Variants in VPS35L observed in about 807,000 individuals in gnomAD.
The protein encoded by VPS35L is VPS35 endosomal protein-sorting factor-like.
Under a neutral mutation model 133.0 loss-of-function variants are expected in VPS35L, and 83 were observed. The ratio of observed to expected loss-of-function variants is 0.62; its 90% CI spans 0.52 to 0.75. The LOEUF (loss-of-function observed/expected upper bound fraction) is 0.75, where lower values mean the gene tolerates loss of function less well. Among genes scored for constraint, VPS35L ranks in the 30% least tolerant of loss-of-function variants. VPS35L has a pLI of 0.00. For synonymous variants in VPS35L, 423 were observed against 449.9 expected, an observed-to-expected ratio of 0.94 and a Z score of 0.76; for missense variants, 1,083 against 1,206.8, an observed-to-expected ratio of 0.90 and a Z score of 1.52.
In VPS35L at chr16:19,644,809, T is replaced by G. The variant is rs371428874; in HGVS notation, c.1866-77T>G. ...AAATGTTCTTACCTGTTAAATTACT[T>G]ACCCCTTGTGTATTTTTTTCTTTAG... On this transcript the variant is annotated intron_variant, in intron 22 of 30. Transcript: ENST00000417362. 1.4e-4 allele frequency: 141 copies of G among 1,028,336 alleles called. No homozygotes were observed. In the African/African-American group the frequency reaches 2.1e-3, roughly 15 times the overall value. 63.7% of individuals were successfully genotyped at this position (1,028,336 alleles called of 1,614,324 possible). A position where few individuals can be genotyped will look rare whatever the true frequency, so the allele number is the denominator to read the frequency against.
chr16:19,614,641 C>T (rs1644770989), intron 12 of VPS35L, among the ~76,000 whole-genome samples: 1 of 152,218 alleles, frequency 6.6e-6, no homozygotes, highest in African/African-American at 2.4e-5. Context: ...AAACTCCTAA[C>T]CTCAAGTGAT....
At chr16:19,597,153 G>T (rs9928995) in intron 8 of VPS35L, among the ~76,000 whole-genome samples, 3,868 of 152,130 alleles carry the variant, frequency 0.025, 174 homozygotes, top group African/African-American at 0.089. Context: ...AGGATAACTT[G>T]AGTCCAGGAG....
intron 19 of VPS35L, among the ~76,000 whole-genome samples, chr16:19,636,726 A>C (rs1340533018): frequency 2.0e-5 from 3 of 152,230 alleles, no homozygotes; most frequent in African/African-American, 7.2e-5. Flanking sequence ...AATTGTCAGT[A>C]CATTTTCTTG....
intron 10 of VPS35L, 176 bp downstream of exon 10, chr16:19,608,450 T>G (rs1395851318): frequency 1.8e-6 from 1 of 551,152 alleles, no homozygotes; most frequent in African/African-American, 1.9e-5. Context: ...ACCCTTGGAC[T>G]CTTGCTCTTT....
chr16:19,578,937 G>A, intron 5 of VPS35L, 115 bp from the exon 6 acceptor site: 1 of 852,568 alleles, frequency 1.2e-6, no homozygotes, highest in Non-Finnish European at 1.9e-6. Flanking sequence ...TTTCTATAAT[G>A]GAATCATTCC....
At chr16:19,636,496 A>G (rs1973627240) in intron 19 of VPS35L, among the ~76,000 whole-genome samples, 1 of 152,212 alleles carries the variant, frequency 6.6e-6, no homozygotes, top group South Asian at 2.1e-4. Context: ...TATGCTTCAG[A>G]AACTATTTTA....
chr16:19,606,492 C>A (rs772037430), intron 9 of VPS35L, among the ~76,000 whole-genome samples: 15 of 152,144 alleles, frequency 9.9e-5, no homozygotes, highest in Non-Finnish European at 2.1e-4. Context: ...AAATAGTTCT[C>A]AAGTGAATGA....
intron 30 of VPS35L, 74 bp from the exon 31 acceptor site, chr16:19,700,304 G>A: frequency 7.6e-7 from 1 of 1,312,740 alleles, no homozygotes. Flanking sequence ...CTCACATAAT[G>A]GCTGATTCAT....
chr16:19,628,105 T>A (rs148128468), intron 16 of VPS35L, among the ~76,000 whole-genome samples: 99 of 152,218 alleles, frequency 6.5e-4, no homozygotes, highest in African/African-American at 2.4e-3. Context: ...GTGGCTCATG[T>A]TTATAATCCT....
At chr16:19,690,515 C>A (rs894162209) in intron 28 of VPS35L, among the ~76,000 whole-genome samples, 4 of 152,228 alleles carry the variant, frequency 2.6e-5, no homozygotes, top group Admixed American at 6.5e-5. Flanking sequence ...TGCAGTCCTT[C>A]CAAAGCCAGG....
In VPS35L at chr16:19,665,452, G is replaced by A. The variant is rs1330818779; in HGVS notation, c.2222-3708G>A. ...TGCAAAGTTTGCCTTCCTGTGCCTGGCTTAATTCACTTAACATAATGCCCT... is the reference window on the plus strand; with the variant it reads ...TGCAAAGTTTGCCTTCCTGTGCCTGACTTAATTCACTTAACATAATGCCCT... On this transcript the variant is annotated intron_variant, in intron 26 of 30. Transcript: ENST00000417362. Among the ~76,000 whole-genome samples the A allele has an allele frequency of 2.0e-5, 3 of 152,108 alleles. No homozygotes were observed. In the South Asian group the frequency reaches 6.2e-4, roughly 32 times the overall value.
At chr16:19,644,454 T>A (rs1428007807) in intron 22 of VPS35L, among the ~76,000 whole-genome samples, 1 of 152,160 alleles carries the variant, frequency 6.6e-6, no homozygotes, top group Non-Finnish European at 1.5e-5. Flanking sequence ...CCCAGGTTGA[T>A]CTCCAACTCC....
chr16:19,682,099 T>C (rs1215083624), intron 27 of VPS35L, 126 bp from the exon 28 acceptor site: 1 of 1,085,362 alleles, frequency 9.2e-7, no homozygotes, highest in African/African-American at 1.6e-5. Flanking sequence ...TTGCCTTTGT[T>C]CAGTAACTGA....
At chr16:19,682,019 C>G (rs1471896968) in intron 27 of VPS35L, among the ~76,000 whole-genome samples, 1 of 152,126 alleles carries the variant, frequency 6.6e-6, no homozygotes, top group African/African-American at 2.4e-5. Flanking sequence ...CAGACAGGAG[C>G]GTGTTGATTC....
In VPS35L at chr16:19,582,980, C is replaced by T. The variant is rs529943756; in HGVS notation, c.639+1327C>T. Among the ~76,000 whole-genome samples, 7 of 152,188 alleles carry T rather than the reference C, an allele frequency of 4.6e-5. No individual in the cohort carries two copies. The South Asian group carries it at 6.2e-4, about 14-fold the overall frequency. On this transcript the variant is annotated intron_variant, in intron 7 of 30. Transcript: ENST00000417362. ...TCCAGGAGTTTGAGACCAGCCTGGC[C>T]AACATGGTGAAACCCATCTCTACTA...
intron 1 of VPS35L, among the ~76,000 whole-genome samples, chr16:19,561,910 A>T (rs1012927819): frequency 1.3e-5 from 2 of 152,146 alleles, no homozygotes; most frequent in Admixed American, 1.3e-4. Flanking sequence ...GTTCGGGGTC[A>T]GCTTGGCCAA....
chr16:19,699,399 A>G lies in VPS35L; in HGVS notation c.2647-103A>G. The G allele has an allele frequency of 7.1e-7, 1 of 1,400,352 alleles. No homozygotes were observed. Among genetic ancestry groups the G allele is most frequent in the Non-Finnish European group, 9.7e-7 (1 of 1,025,642 alleles). 86.7% of individuals were successfully genotyped at this position (1,400,352 alleles called of 1,614,324 possible). The stretch of plus-strand genomic sequence containing the variant: ...AAATACATGGCAGAGCTGGCACTGG[A>G]ACTCAGGCATGACCTACCCCAGAGT... On this transcript the variant is annotated intron_variant, in intron 29 of 30. Coordinates refer to ENST00000417362, the MANE Select transcript of VPS35L (RefSeq NM_020314.7). The surrounding 1 kb of genome is among the most constrained non-coding windows in gnomAD (Gnocchi z 4.2).
At chr16:19,627,577 TCCCC>T in intron 15 of VPS35L, 113 bp from the exon 16 acceptor site, 4 of 785,006 alleles carry the variant, frequency 5.1e-6, no homozygotes, top group Admixed American at 2.2e-5. Flanking sequence ...TTTTTGTTTT[TCCCC>T]AACCCTACCG....
intron 8 of VPS35L, among the ~76,000 whole-genome samples, chr16:19,594,691 G>T (rs226862): frequency 1.5e-5 from 2 of 134,874 alleles, no homozygotes; most frequent in Non-Finnish European, 3.2e-5. Flanking sequence ...AAAAATCCTC[G>T]CCTTTGTGGT....
Sources: allele counts gnomAD v4.1 joint callset (sites outside exome capture counted in the v4.1 genomes callset), GRCh38; gene constraint gnomAD v4.1.1; non-coding constraint Gnocchi (gnomAD v3.1); transcripts MANE v1.5; gene names NCBI Gene and HGNC (gene_info 2026-07-23, HGNC 2026-07-21).